The following ADGRV1 variants were observed in gnomAD, a reference collection of about 807,000 sequenced individuals.
The protein encoded by ADGRV1 is adhesion G protein-coupled receptor V1.
In ADGRV1, 359 loss-of-function variants were observed where a neutral mutation model predicts 596.2. That is an observed-to-expected ratio of 0.60 (90% CI 0.55 to 0.66). The LOEUF (loss-of-function observed/expected upper bound fraction) is 0.66. Among genes scored for constraint, ADGRV1 ranks in the 30% least tolerant of loss-of-function variants. ADGRV1 has a pLI of 0.00. For missense variants in ADGRV1, 7,274 were observed against 7,575.6 expected (o/e 0.96, Z 1.48); for synonymous variants, 2,681 against 2,679.2 (o/e 1.00, Z -0.02).
At chr5:90,868,213 GTTATTA>G (rs962678491) in intron 83 of ADGRV1, among the ~76,000 whole-genome samples, 5 of 151,960 alleles carry the variant, frequency 3.3e-5, no homozygotes, top group African/African-American at 1.2e-4. Flanking sequence ...CACTGTTGCT[GTTATTA>G]TTATTACTAA....
rs774326833 is a variant in ADGRV1, at chr5:90,653,484, C to G, written c.3910C>G (p.Leu1304Val). ...TTTGCCACCAATGATAGATTTTTTA[C>G]TGGTTGGAATTTTCCCCACCACCGT... is the stretch of plus-strand genomic sequence containing the variant. ...AGLPPMIDFL[L>V]VGIFPTTVHL... Residue 1304 changes from leucine to valine, a missense_variant, in exon 20 of 90, where the codon CTG becomes GTG. Around this residue, in one of 5 missense-constraint regions of ADGRV1, gnomAD observed 1,715 missense variants for 1,708.8 expected, o/e 1.00. Coordinates refer to ENST00000405460, the MANE Select transcript of ADGRV1 (RefSeq NM_032119.4). 4.3e-6 allele frequency: 7 copies of G among 1,613,900 alleles called. No homozygotes were observed. The highest frequency in any genetic ancestry group is 5.9e-6 in the Non-Finnish European group (7 of 1,179,876).
intron 83 of ADGRV1, among the ~76,000 whole-genome samples, chr5:90,964,063 G>A (rs779418841): frequency 4.6e-5 from 7 of 151,990 alleles, no homozygotes; most frequent in African/African-American, 7.2e-5. Context: ...ATTTACCACA[G>A]GGATGCTGCC....
Position 90,855,838 on chromosome 5 carries a change from C to T in ADGRV1, c.17692C>T (p.Arg5898Trp), listed in dbSNP as rs781775164. 1.9e-6 allele frequency: 3 copies of T among 1,612,874 alleles called. No homozygotes were observed. Among genetic ancestry groups the T allele is most frequent in the Non-Finnish European group, 2.5e-6 (3 of 1,179,022 alleles). The change falls in exon 82 of 90, where the codon CGG (arginine) becomes TGG (tryptophan). Residue 5898 changes from arginine to tryptophan, a missense_variant. Around this residue, in one of 5 missense-constraint regions of ADGRV1, gnomAD observed 1,874 missense variants for 1,970.2 expected, o/e 0.95. Transcript: ENST00000405460. Reference sequence around the variant, plus strand: ...CATGTCTGTGTATGCTGTCTATGCTCGGACTGACAACTTGTCTTCATACAA... The same window carrying T: ...CATGTCTGTGTATGCTGTCTATGCTTGGACTGACAACTTGTCTTCATACAA... ...SHMSVYAVYA[R>W]TDNLSSYNEA... is the part of the protein sequence containing the mutation.
At chr5:91,066,520 AAAT>A (rs758969291) in intron 85 of ADGRV1, among the ~76,000 whole-genome samples, 2 of 152,220 alleles carry the variant, frequency 1.3e-5, no homozygotes, top group Non-Finnish European at 2.9e-5. Flanking sequence ...ATTGCTCAGA[AAAT>A]AATACCTATC....
chr5:90,649,382 A>G (rs1768268247), intron 17 of ADGRV1, among the ~76,000 whole-genome samples: 1 of 152,190 alleles, frequency 6.6e-6, no homozygotes, highest in African/African-American at 2.4e-5. Context: ...TTTTTGTCTC[A>G]AAAATATCAC....
chr5:91,086,576 C>T (rs376630672), intron 86 of ADGRV1, among the ~76,000 whole-genome samples: 4 of 152,282 alleles, frequency 2.6e-5, no homozygotes, highest in South Asian at 2.1e-4. Context: ...TATAGACTTA[C>T]TAAATTAGAA....
chr5:91,102,266 C>T lies in ADGRV1; in HGVS notation c.18358C>T (p.Leu6120Phe). Reference sequence around the variant, plus strand: ...CTTTGCTCTGATTTCCGTGACATGGCTTTGGGGAGGACTACACATGGCCTA... The same window carrying T: ...CTTTGCTCTGATTTCCGTGACATGGTTTTGGGGAGGACTACACATGGCCTA... ...YLFALISVTWLWGGLHMAYRH... is the reference protein window; with the variant it reads ...YLFALISVTWFWGGLHMAYRH... The change falls in exon 87 of 90, where the codon CTT becomes TTT. Residue 6120 changes from leucine to phenylalanine, a missense_variant. Coordinates refer to ENST00000405460, the MANE Select transcript of ADGRV1 (RefSeq NM_032119.4). 6.2e-7 allele frequency: 1 copy of T among 1,610,836 alleles called. No individual in the cohort carries two copies. The highest frequency in any genetic ancestry group is 8.5e-7 in the Non-Finnish European group (1 of 1,178,194).
At chr5:90,558,993 C>G (rs1236759080) in intron 1 of ADGRV1, 76 bp downstream of exon 1, 21 of 1,345,994 alleles carry the variant, frequency 1.6e-5, no homozygotes, top group Non-Finnish European at 1.8e-5. Context: ...GCACCTGTTG[C>G]TGCAGGTGGG....
chr5:90,647,113 A>G (rs937590914), intron 16 of ADGRV1, among the ~76,000 whole-genome samples: 6 of 152,156 alleles, frequency 3.9e-5, no homozygotes, highest in Non-Finnish European at 7.3e-5. Flanking sequence ...TACTTAATGA[A>G]TTAGCCTTAT....
At position 90,921,796 on chromosome 5, in the gene ADGRV1, G is replaced by GTT. The variant is rs571601390; in HGVS notation, c.17857-43600_17857-43599dup. 8.7e-3 allele frequency among the ~76,000 whole-genome samples: 1,088 copies of GTT among 124,368 alleles called. 19 individuals carry two copies. Among genetic ancestry groups the GTT allele is most frequent in the African/African-American group, 0.029 (1,010 of 34,874 alleles). The allele number at this position is 124,368 out of a possible 152,430, so 81.6% of individuals were successfully genotyped here. A position where few individuals can be genotyped will look rare whatever the true frequency, so the allele number is the denominator to read the frequency against. Reference sequence around the variant, plus strand: ...ACCAAACCCAATAAAGTTGTGTCTTGTTTTTTTTTTTTTTTTTTTTCTACA... The same window carrying GTT: ...ACCAAACCCAATAAAGTTGTGTCTTGTTTTTTTTTTTTTTTTTTTTTTCTACA... On this transcript the variant is annotated intron_variant, in intron 83 of 89. Coordinates refer to ENST00000405460, the MANE Select transcript of ADGRV1 (RefSeq NM_032119.4).
chr5:90,671,004 G>A lies in ADGRV1; in HGVS notation c.4753-1542G>A, dbSNP rs191274682. On this transcript the variant is annotated intron_variant, in intron 21 of 89. Transcript: ENST00000405460. ...GTGTAGCAATGGGTACGTAGTGATAGGACTGATTCACTGGCCTCACCATAT... is the reference window on the plus strand; with the variant it reads ...GTGTAGCAATGGGTACGTAGTGATAAGACTGATTCACTGGCCTCACCATAT... Among the ~76,000 whole-genome samples, 313 of 152,314 alleles carry A rather than the reference G, an allele frequency of 2.1e-3. 2 individuals carry two copies. The highest frequency in any genetic ancestry group is 7.1e-3 in the African/African-American group (296 of 41,572).
At chr5:90,982,753 G>C (rs1355562167) in intron 84 of ADGRV1, among the ~76,000 whole-genome samples, 1 of 151,766 alleles carries the variant, frequency 6.6e-6, no homozygotes, top group East Asian at 1.9e-4. Flanking sequence ...AGCCGGGCCA[G>C]GCTTCTCCCC....
At chr5:90,986,675 A>T (rs1408180147) in intron 85 of ADGRV1, among the ~76,000 whole-genome samples, 2 of 152,168 alleles carry the variant, frequency 1.3e-5, no homozygotes, top group Non-Finnish European at 1.5e-5. Flanking sequence ...ATTTTATATT[A>T]TAATGTATTT....
rs1414873728 is a variant in ADGRV1 at position 90,829,018 on chromosome 5, C to G, written c.16443C>G (p.Ala5481=). The change falls in exon 77 of 90, where the codon GCC becomes GCG. Residue 5481 remains alanine, a synonymous_variant. Coordinates refer to ENST00000405460, the MANE Select transcript of ADGRV1 (RefSeq NM_032119.4). ...ATAGAAINNS[A]RFAQIKILES... The stretch of plus-strand genomic sequence containing the variant: ...CTGGAGCAGCAATAAACAACAGTGC[C>G]AGATTCGCACAGATTAAAATCTTAG... 6.2e-7 allele frequency: 1 copy of G among 1,609,042 alleles called. No individual in the cohort carries two copies. Among genetic ancestry groups the G allele is most frequent in the Non-Finnish European group, 8.5e-7 (1 of 1,176,906 alleles).
chr5:90,692,767 A>C lies in ADGRV1; in HGVS notation c.7114A>C (p.Asn2372His). The C allele has an allele frequency of 1.9e-6, 3 of 1,600,194 alleles. No individual in the cohort carries two copies. Among genetic ancestry groups the C allele is most frequent in the Non-Finnish European group, 2.6e-6 (3 of 1,173,310 alleles). Residue 2372 changes from asparagine to histidine, a missense_variant, in exon 32 of 90, where the codon AAT (asparagine) becomes CAT (histidine). Transcript: ENST00000405460. Reference protein sequence around the residue: ...QEPLERSSCANITVRRSGGHF... With the variant: ...QEPLERSSCAHITVRRSGGHF... ...GCCTCTGGAAAGAAGTTCCTGTGCTAATATAACTGTCAGGCGAAGGTATAT... is the reference window on the plus strand; with the variant it reads ...GCCTCTGGAAAGAAGTTCCTGTGCTCATATAACTGTCAGGCGAAGGTATAT...
chr5:91,132,009 G>C (rs771219054), intron 87 of ADGRV1, among the ~76,000 whole-genome samples: 11 of 152,070 alleles, frequency 7.2e-5, no homozygotes, highest in South Asian at 2.1e-4. Context: ...CATTCTCCTG[G>C]ATATGGCTAT....
chr5:90,773,050 T>C (rs1034254498), intron 59 of ADGRV1, among the ~76,000 whole-genome samples: 2 of 151,982 alleles, frequency 1.3e-5, no homozygotes, highest in African/African-American at 4.8e-5. Context: ...ACACCTGTAA[T>C]CCTAGCTATT....
At chr5:90,895,175 A>T (rs1259233174) in intron 83 of ADGRV1, among the ~76,000 whole-genome samples, 1 of 152,086 alleles carries the variant, frequency 6.6e-6, no homozygotes, top group Non-Finnish European at 1.5e-5. Flanking sequence ...AGTGATCCTC[A>T]TGCCTTACTG....
chr5:90,864,272 T>C lies in ADGRV1; in HGVS notation c.17856+415T>C, dbSNP rs1273258931. Among the ~76,000 whole-genome samples the C allele has an allele frequency of 2.6e-5, 4 of 152,326 alleles. No individual in the cohort carries two copies. The East Asian group carries it at 5.8e-4, about 22-fold the overall frequency. ...TCTGGACACTATGTATTGTTTCTTA[T>C]AATAGTTTGATAGAACATTTTCTTT... On this transcript the variant is annotated intron_variant, in intron 83 of 89. Coordinates refer to ENST00000405460, the MANE Select transcript of ADGRV1 (RefSeq NM_032119.4).
Sources: allele counts gnomAD v4.1 joint callset (sites outside exome capture counted in the v4.1 genomes callset), GRCh38; gene constraint gnomAD v4.1.1; regional missense constraint gnomAD v4.1.1; transcripts MANE v1.5; gene names NCBI Gene and HGNC (gene_info 2026-07-23, HGNC 2026-07-21).